Variants in PPFIBP2 observed in about 807,000 individuals in gnomAD.
The protein encoded by PPFIBP2 is liprin-beta-2.
A neutral mutation model predicts 118.3 loss-of-function variants in PPFIBP2; 118 were observed. The observed-to-expected ratio is 1.00, with a 90% confidence interval of 0.86 to 1.16. The LOEUF (loss-of-function observed/expected upper bound fraction) is 1.16, where lower values mean the gene tolerates loss of function less well. Ranked by LOEUF, PPFIBP2 falls within the 50% of genes most tolerant of loss-of-function variation. The pLI, the probability that PPFIBP2 is intolerant of heterozygous loss-of-function variation, is 0.00. For missense variants in PPFIBP2, 1,195 were observed against 1,073.1 expected, an observed-to-expected ratio of 1.11 and a Z score of -1.59; for synonymous variants, 414 against 397.4, an observed-to-expected ratio of 1.04 and a Z score of -0.50.
chr11:7,549,288 A>G (rs1852679739), intron 1 of PPFIBP2, among the ~76,000 whole-genome samples, 152 bp from the exon 2 acceptor site: 1 of 152,224 alleles, frequency 6.6e-6, no homozygotes. Flanking sequence ...CCAAGAGGGA[A>G]AAGGCCATGG....
At chr11:7,540,070 A>T (rs1851623091) in intron 1 of PPFIBP2, among the ~76,000 whole-genome samples, 1 of 152,182 alleles carries the variant, frequency 6.6e-6, no homozygotes, top group Non-Finnish European at 1.5e-5. Context: ...TGCAGGTCTG[A>T]CTACAGAACC....
At chr11:7,631,154 T>A (rs4130354) in intron 11 of PPFIBP2, 126 bp downstream of exon 11, 364,943 of 712,944 alleles carry the variant, frequency 0.51, 96,126 homozygotes, top group African/African-American at 0.7. Flanking sequence ...TAAATTAATA[T>A]AGTGCCCCTC....
chr11:7,527,113 A>G (rs180871779), intron 1 of PPFIBP2, among the ~76,000 whole-genome samples: 7 of 151,470 alleles, frequency 4.6e-5, no homozygotes, highest in African/African-American at 1.4e-4. Flanking sequence ...TATACCTACC[A>G]TACCCTAGGA....
intron 2 of PPFIBP2, among the ~76,000 whole-genome samples, chr11:7,555,837 C>G (rs915261872): frequency 6.6e-6 from 1 of 152,144 alleles, no homozygotes; most frequent in Non-Finnish European, 1.5e-5. Context: ...ACTATGTGTT[C>G]CTTAAATATT....
chr11:7,543,351 G>T (rs1851981922), intron 1 of PPFIBP2, among the ~76,000 whole-genome samples: 1 of 152,180 alleles, frequency 6.6e-6, no homozygotes, highest in African/African-American at 2.4e-5. Flanking sequence ...TTTATCATCT[G>T]TTTGCCACTT....
At chr11:7,563,486 T>C (rs1405912403) in intron 2 of PPFIBP2, among the ~76,000 whole-genome samples, 4 of 152,282 alleles carry the variant, frequency 2.6e-5, no homozygotes, top group Non-Finnish European at 5.9e-5. Flanking sequence ...ATCATGCATT[T>C]TCAGAAAGCA....
downstream of PPFIBP2, chr11:7,655,314 C>T (rs1048028231): frequency 5.9e-6 from 4 of 675,494 alleles, no homozygotes; most frequent in African/African-American, 3.7e-5. Flanking sequence ...CCTTGCCTGT[C>T]CCTCCAGAGA....
At chr11:7,579,371 A>C (rs1856926918) in intron 3 of PPFIBP2, among the ~76,000 whole-genome samples, 1 of 152,132 alleles carries the variant, frequency 6.6e-6, no homozygotes, top group Non-Finnish European at 1.5e-5. Flanking sequence ...CCCAGCCCCT[A>C]GGGCATCACA....
At chr11:7,597,056 C>T in intron 4 of PPFIBP2, 1 of 879,192 alleles carries the variant, frequency 1.1e-6, no homozygotes, top group Non-Finnish European at 1.6e-6. Context: ...CTAATACATG[C>T]CCTTTACAGC....
At chr11:7,535,341 G>C (rs1851102372) in intron 1 of PPFIBP2, among the ~76,000 whole-genome samples, 1 of 152,210 alleles carries the variant, frequency 6.6e-6, no homozygotes, top group Non-Finnish European at 1.5e-5. Flanking sequence ...GCATGACAAA[G>C]GCACAGTGGC....
intron 21 of PPFIBP2, among the ~76,000 whole-genome samples, chr11:7,650,011 G>A (rs1853737135): frequency 6.6e-6 from 1 of 152,184 alleles, no homozygotes; most frequent in Admixed American, 6.5e-5. Context: ...AGGGGGAAGA[G>A]GAGCCCGTAG....
the PPFIBP2 span, among the ~76,000 whole-genome samples, chr11:7,664,767 G>A: frequency 6.6e-6 from 1 of 152,250 alleles, no homozygotes; most frequent in South Asian, 2.1e-4. Context: ...GATCCCCAAG[G>A]AGACAGTGAA....
intron 14 of PPFIBP2, among the ~76,000 whole-genome samples, chr11:7,635,945 T>C (rs1189082508): frequency 2.0e-5 from 3 of 152,180 alleles, no homozygotes; most frequent in African/African-American, 7.2e-5. Flanking sequence ...TGTGCTGATA[T>C]GTCATGGTTA....
chr11:7,595,509 G>A (rs1173754837), intron 4 of PPFIBP2, among the ~76,000 whole-genome samples: 1 of 152,122 alleles, frequency 6.6e-6, no homozygotes. Flanking sequence ...CCAAATTCTT[G>A]AATAATCCCC....
intron 2 of PPFIBP2, among the ~76,000 whole-genome samples, chr11:7,549,902 A>G (rs890579745): frequency 6.6e-6 from 1 of 152,214 alleles, no homozygotes. Flanking sequence ...GAAATCTAGC[A>G]GACTTTGCCA....
At position 7,569,704 on chromosome 11, in the gene PPFIBP2, G is replaced by C. The variant is rs1045587094; in HGVS notation, c.279+3937G>C. Reference sequence around the variant, plus strand: ...CAGCAGAGCAGTGTTACCCTCAGGAGATGGGAAGGTAGTCCTTTACAACTG... The same window carrying C: ...CAGCAGAGCAGTGTTACCCTCAGGACATGGGAAGGTAGTCCTTTACAACTG... On this transcript the variant is annotated intron_variant, in intron 3 of 23. Transcript: ENST00000299492. Among the ~76,000 whole-genome samples the C allele has an allele frequency of 2.0e-5, 3 of 152,324 alleles. No homozygotes were observed. In the East Asian group the frequency reaches 5.8e-4, roughly 29 times the overall value.
chr11:7,666,662 G>C, the PPFIBP2 span: 2 of 664,844 alleles, frequency 3.0e-6, no homozygotes, highest in Middle Eastern at 3.2e-4. Context: ...TCCAGCTGGA[G>C]TGCTCGCTGC....
chr11:7,663,550 A>G, the PPFIBP2 span, among the ~76,000 whole-genome samples: 1 of 152,190 alleles, frequency 6.6e-6, no homozygotes, highest in Non-Finnish European at 1.5e-5. Context: ...GCTCTCTTCA[A>G]AGCTGTCAGA....
chr11:7,575,525 T>C (rs187709737), intron 3 of PPFIBP2, among the ~76,000 whole-genome samples: 1 of 152,224 alleles, frequency 6.6e-6, no homozygotes, highest in Non-Finnish European at 1.5e-5. Context: ...TCCACCATCC[T>C]GTAGAGGCTG....
Sources: gnomAD v4.1 joint callset for allele counts (sites outside exome capture counted in the v4.1 genomes callset) on GRCh38, gnomAD v4.1.1 for gene constraint, MANE v1.5 for transcripts, NCBI Gene and HGNC (gene_info 2026-07-23, HGNC 2026-07-21) for gene names.